Variants in SHLD2 observed in about 807,000 individuals in gnomAD.
SHLD2 encodes the protein shieldin complex subunit 2.
A neutral mutation model predicts 73.2 loss-of-function variants in SHLD2; 30 were observed. The observed-to-expected ratio is 0.41, with a 90% CI of 0.31 to 0.56. The LOEUF (loss-of-function observed/expected upper bound fraction) is 0.56. SHLD2 is among the 20% of genes least tolerant of loss of function. SHLD2 has a pLI of 0.28. For synonymous variants in SHLD2, 285 were observed against 370.1 expected, an observed-to-expected ratio of 0.77 and a Z score of 2.64; for missense variants, 745 against 1,055.9, an observed-to-expected ratio of 0.71 and a Z score of 4.08.
chr10:87,132,826 G>A lies in SHLD2; in HGVS notation c.-5-18524G>A, dbSNP rs138498086. ...AAACGACTATATTTCTGCATTAAGT[G>A]GGGGTATAGAATCCTATCTAATATT... On this transcript the variant is annotated intron_variant, in intron 2 of 9. Coordinates refer to ENST00000298786, the MANE Select transcript of SHLD2 (RefSeq NM_001330112.2). Among the ~76,000 whole-genome samples, 842 of 152,278 alleles carry A rather than the reference G, an allele frequency of 5.5e-3. 9 individuals carry two copies. Among genetic ancestry groups the A allele is most frequent in the African/African-American group, 0.019 (783 of 41,558 alleles).
rs186465412 is a variant in SHLD2, at chr10:87,140,481, T to G, written c.-5-10869T>G. The stretch of plus-strand genomic sequence containing the variant: ...GGCTCATCATGGTGGCTCATGCCTG[T>G]AATCCCAGCACTTTGAGAGGCTGAG... On this transcript the variant is annotated intron_variant, in intron 2 of 9. Transcript: ENST00000298786. Among the ~76,000 whole-genome samples the G allele has an allele frequency of 3.4e-3, 521 of 151,536 alleles. 3 individuals carry two copies. Among genetic ancestry groups the G allele is most frequent in the African/African-American group, 0.012 (496 of 41,326 alleles).
intron 2 of SHLD2, among the ~76,000 whole-genome samples, chr10:87,140,061 C>A (rs1204905779): frequency 6.6e-6 from 1 of 151,954 alleles, no homozygotes; most frequent in African/African-American, 2.4e-5. Context: ...AGCAAGTTGC[C>A]TAATACATGT....
At position 87,155,332 on chromosome 10, in the gene SHLD2, G is replaced by A. The variant is rs1321451172; in HGVS notation, c.1525+2453G>A. On this transcript the variant is annotated intron_variant, in intron 3 of 9. Coordinates refer to ENST00000298786, the MANE Select transcript of SHLD2 (RefSeq NM_001330112.2). ...CAGTATTAGCTAATATTATTTATATGTGATTATATTATTGGAGATTCAATT... is the reference window on the plus strand; with the variant it reads ...CAGTATTAGCTAATATTATTTATATATGATTATATTATTGGAGATTCAATT... 2.6e-5 allele frequency among the ~76,000 whole-genome samples: 4 copies of A among 151,668 alleles called. No individual in the cohort carries two copies. In the East Asian group the frequency reaches 7.7e-4, roughly 29 times the overall value.
At position 87,190,405 on chromosome 10, in the gene SHLD2, A is replaced by G. The variant is rs574741534; in HGVS notation, c.2516-79A>G. 2.0e-4 allele frequency: 235 copies of G among 1,200,570 alleles called. 1 individual carries two copies. The African/African-American group carries it at 3.0e-3, about 15-fold the overall frequency. The allele number at this position is 1,200,570 out of a possible 1,614,324, so 74.4% of individuals were successfully genotyped here. On this transcript the variant is annotated intron_variant, in intron 9 of 9. Coordinates refer to ENST00000298786, the MANE Select transcript of SHLD2 (RefSeq NM_001330112.2). ...GTTTGAGACTTGAGGAACCAAAAGAAACAATGAAACCATTCAATGTGTGTG... is the reference window on the plus strand; with the variant it reads ...GTTTGAGACTTGAGGAACCAAAAGAGACAATGAAACCATTCAATGTGTGTG...
intron 2 of SHLD2, among the ~76,000 whole-genome samples, chr10:87,146,312 G>A (rs547726651): frequency 4.6e-5 from 7 of 151,426 alleles, no homozygotes; most frequent in Middle Eastern, 3.4e-3. Context: ...ATTTTTTTTC[G>A]AGACAGAGTC....
At chr10:87,169,542 AAGGAAGGAAAGAAG>A (rs1847439055) in intron 4 of SHLD2, among the ~76,000 whole-genome samples, 1 of 152,306 alleles carries the variant, frequency 6.6e-6, no homozygotes, top group East Asian at 1.9e-4. Flanking sequence ...TTACTGTCTA[AAGGAAGGAAAGAAG>A]AAACACAAAT....
In SHLD2 at chr10:87,151,456, C is replaced by A. The variant is rs1589575225; in HGVS notation, c.102C>A (p.Asp34Glu). ...CAGCTTCTTTAATGTCTGTTGCTGA[C>A]CCCTGGAAAAAAATTCAGCTTTTAT... is the stretch of plus-strand genomic sequence containing the variant. ...EDTASLMSVA[D>E]PWKKIQLLYS... The change falls in exon 3 of 10, where the codon GAC (aspartate) becomes GAA (glutamate). Residue 34 changes from aspartate (D) to glutamate (E), a missense_variant. Physicochemically the swap from Asp to Glu is conservative, Grantham distance 45. This residue lies in a region of SHLD2 where 280 missense variants were observed against 353.9 expected (regional missense o/e 0.79). Coordinates refer to ENST00000298786, the MANE Select transcript of SHLD2 (RefSeq NM_001330112.2). 3 of 1,610,406 alleles carry A rather than the reference C, an allele frequency of 1.9e-6. No homozygotes were observed. The highest frequency in any genetic ancestry group is 2.2e-5 in the South Asian group (2 of 90,674).
chr10:87,098,369 C>G (rs1842040724), intron 2 of SHLD2, among the ~76,000 whole-genome samples: 1 of 151,858 alleles, frequency 6.6e-6, no homozygotes, highest in African/African-American at 2.4e-5. Flanking sequence ...CAAAATTAGC[C>G]TGGTGTGATG....
At chr10:87,098,629 A>T (rs1355374006) in intron 2 of SHLD2, among the ~76,000 whole-genome samples, 1 of 152,140 alleles carries the variant, frequency 6.6e-6, no homozygotes, top group Non-Finnish European at 1.5e-5. Flanking sequence ...CCAAAGTTAT[A>T]CTATTTATAC....
Position 87,127,543 on chromosome 10 carries a change from C to T in SHLD2, c.-5-23807C>T, listed in dbSNP as rs866288646. Among the ~76,000 whole-genome samples the T allele has an allele frequency of 4.2e-3, 417 of 99,668 alleles. 24 individuals are homozygous for T. The highest frequency in any genetic ancestry group is 0.015 in the African/African-American group (401 of 26,146). 65.4% of individuals were successfully genotyped at this position (99,668 alleles called of 152,430 possible). ...CCCTCTTACCCGCCCCCCCCCACCC[C>T]GTCTGCCACCCCCCGCCTCCCACTT... is the stretch of plus-strand genomic sequence containing the variant. On this transcript the variant is annotated intron_variant, in intron 2 of 9. Transcript: ENST00000298786.
intron 7 of SHLD2, among the ~76,000 whole-genome samples, chr10:87,178,026 A>G (rs948113593): frequency 6.6e-6 from 1 of 151,898 alleles, no homozygotes; most frequent in African/African-American, 2.4e-5. Context: ...ATTTGAGGTC[A>G]GGAGTTTGAG....
At chr10:87,114,930 G>A (rs1327405892) in intron 2 of SHLD2, among the ~76,000 whole-genome samples, 1 of 152,250 alleles carries the variant, frequency 6.6e-6, no homozygotes, top group African/African-American at 2.4e-5. Flanking sequence ...AGTTCTGGAA[G>A]AGACTTAGTG....
chr10:87,134,914 C>T (rs1844693834), intron 2 of SHLD2, among the ~76,000 whole-genome samples: 1 of 152,150 alleles, frequency 6.6e-6, no homozygotes, highest in Non-Finnish European at 1.5e-5. Flanking sequence ...ACGAGGGCAC[C>T]TGAGCTTCAG....
At chr10:87,096,864 G>A (rs999367903) in intron 1 of SHLD2, 70 bp from the exon 2 acceptor site, 2 of 152,122 alleles carry the variant, frequency 1.3e-5, no homozygotes, top group Non-Finnish European at 1.5e-5. Flanking sequence ...TCATACAGGT[G>A]GAACTTATAT....
intron 2 of SHLD2, among the ~76,000 whole-genome samples, chr10:87,101,352 C>T (rs555173777): frequency 6.6e-6 from 1 of 152,244 alleles, no homozygotes; most frequent in Non-Finnish European, 1.5e-5. Flanking sequence ...AATGTGTAAT[C>T]AACTAATACA....
At chr10:87,094,625 C>A (rs1370163897), upstream of SHLD2, 1 of 1,609,154 alleles carries the variant, frequency 6.2e-7, no homozygotes, top group African/African-American at 1.3e-5. The surrounding 1 kb of genome is among the most constrained non-coding windows in gnomAD (Gnocchi z 6.6). Flanking sequence ...TGGCGCCGGG[C>A]GGCCAATGCC....
intron 2 of SHLD2, among the ~76,000 whole-genome samples, chr10:87,133,413 T>A (rs540740463): frequency 1.3e-4 from 20 of 152,312 alleles, no homozygotes; most frequent in South Asian, 8.3e-4. Context: ...CTACAGTCCT[T>A]TCTATTATGT....
chr10:87,135,756 C>T (rs1178060971), intron 2 of SHLD2, among the ~76,000 whole-genome samples: 2 of 151,370 alleles, frequency 1.3e-5, no homozygotes, highest in African/African-American at 4.9e-5. Context: ...CCACTTCAGC[C>T]TCCCAAGTAG....
intron 2 of SHLD2, among the ~76,000 whole-genome samples, chr10:87,111,119 G>A (rs1278939709): frequency 6.6e-6 from 1 of 151,944 alleles, no homozygotes; most frequent in South Asian, 2.1e-4. Context: ...TGGGATTACA[G>A]GCATCAGCCA....
Sources: gnomAD v4.1 joint callset for allele counts (sites outside exome capture counted in the v4.1 genomes callset) on GRCh38, gnomAD v4.1.1 for gene constraint, gnomAD v4.1.1 regional missense constraint, Gnocchi (gnomAD v3.1) non-coding constraint, MANE v1.5 for transcripts, NCBI Gene and HGNC (gene_info 2026-07-23, HGNC 2026-07-21) for gene names.